Variants in COP1 observed in about 807,000 individuals in gnomAD.
COP1 encodes E3 ubiquitin-protein ligase COP1.
COP1 carries 24 observed loss-of-function variants against 101.3 expected under a neutral mutation model. The observed-to-expected ratio is 0.24, with a 90% CI of 0.17 to 0.33. The LOEUF (loss-of-function observed/expected upper bound fraction) is 0.33, where lower values mean the gene tolerates loss of function less well. Among genes scored for constraint, COP1 ranks in the 10% least tolerant of loss-of-function variants. The probability of loss-of-function intolerance (pLI) is 1.00; values close to 1 mark genes in which losing one functional copy is unlikely to be tolerated. For missense variants in COP1, 663 were observed against 906.2 expected, an observed-to-expected ratio of 0.73 and a Z score of 3.45; for synonymous variants, 347 against 341.9, an observed-to-expected ratio of 1.01 and a Z score of -0.17.
intron 9 of COP1, among the ~76,000 whole-genome samples, chr1:176,103,985 A>G (rs1683880358): frequency 6.6e-6 from 1 of 152,214 alleles, no homozygotes; most frequent in Non-Finnish European, 1.5e-5. Context: ...AACAATGAAA[A>G]AGAGAAGCTA....
intron 2 of COP1, among the ~76,000 whole-genome samples, chr1:176,179,485 A>G (rs2101973046): frequency 6.6e-6 from 1 of 152,254 alleles, no homozygotes; most frequent in East Asian, 1.9e-4. Context: ...CTGTAATCTC[A>G]GCAATTTGCG....
chr1:176,184,671 A>G lies in COP1; in HGVS notation c.429T>C (p.Ile143=), dbSNP rs1397015303. The G allele has an allele frequency of 6.2e-7, 1 of 1,609,660 alleles. No individual in the cohort carries two copies. Among genetic ancestry groups the G allele is most frequent in the South Asian group, 1.1e-5 (1 of 90,120 alleles). The change falls in exon 2 of 20, where the codon ATT becomes ATC. Residue 143 remains isoleucine, a synonymous_variant. Transcript: ENST00000367669. ...DFVCPICFDM[I]EEAYMTKCGH... The stretch of plus-strand genomic sequence containing the variant: ...CACATTTTGTCATGTATGCTTCTTC[A>G]ATCATATCAAAGCAGATGGGGCTAA...
intron 15 of COP1, among the ~76,000 whole-genome samples, chr1:176,002,104 T>C: frequency 6.6e-6 from 1 of 152,064 alleles, no homozygotes; most frequent in East Asian, 1.9e-4. Context: ...TATTGAGCTT[T>C]TTGGATGTGT....
At chr1:176,199,148 T>C (rs1294583851) in intron 1 of COP1, among the ~76,000 whole-genome samples, 2 of 152,010 alleles carry the variant, frequency 1.3e-5, no homozygotes, top group African/African-American at 4.8e-5. Context: ...AAACCCCATC[T>C]CTACTAAAAA....
At chr1:175,962,809 A>C (rs1651538958) in intron 18 of COP1, among the ~76,000 whole-genome samples, 1 of 152,138 alleles carries the variant, frequency 6.6e-6, no homozygotes. Context: ...ATCTCTTAAC[A>C]AAACTCTTCA....
intron 15 of COP1, among the ~76,000 whole-genome samples, chr1:176,026,650 T>C (rs1667715942): frequency 6.6e-6 from 1 of 152,150 alleles, no homozygotes; most frequent in Non-Finnish European, 1.5e-5. Flanking sequence ...ATTATGTCAG[T>C]AGCCCAGTGA....
intron 15 of COP1, among the ~76,000 whole-genome samples, chr1:176,023,496 A>G (rs890687690): frequency 2.0e-5 from 3 of 152,230 alleles, no homozygotes; most frequent in African/African-American, 7.2e-5. Flanking sequence ...AGGCGGGTGG[A>G]TCACCTGAGG....
intron 1 of COP1, among the ~76,000 whole-genome samples, chr1:176,196,462 G>C (rs988567147): frequency 2.0e-5 from 3 of 151,772 alleles, no homozygotes; most frequent in African/African-American, 7.3e-5. Flanking sequence ...AAGAATAAGG[G>C]GTATATTATT....
chr1:176,017,317 G>A (rs923538892), intron 15 of COP1: 1 of 152,130 alleles, frequency 6.6e-6, no homozygotes, highest in African/African-American at 2.4e-5. Context: ...CAAAAATCCT[G>A]AATTTCTTTA....
At chr1:175,987,568 T>C (rs1363877934) in intron 17 of COP1, among the ~76,000 whole-genome samples, 1 of 152,186 alleles carries the variant, frequency 6.6e-6, no homozygotes, top group Non-Finnish European at 1.5e-5. Context: ...ACATAATTTA[T>C]TTCCATTTCT....
At chr1:176,100,619 T>C (rs1486087352) in intron 9 of COP1, among the ~76,000 whole-genome samples, 1 of 152,106 alleles carries the variant, frequency 6.6e-6, no homozygotes, top group Non-Finnish European at 1.5e-5. Context: ...TTCTGAGCAA[T>C]TATCCTGCCG....
intron 11 of COP1, among the ~76,000 whole-genome samples, chr1:176,063,111 C>T (rs1329144447): frequency 4.0e-5 from 5 of 126,066 alleles, no homozygotes; most frequent in Non-Finnish European, 6.3e-5. Context: ...GGACTGCGGA[C>T]TGCAGTGGCG....
Position 176,007,626 on chromosome 1 carries a change from G to C in COP1, c.1730-18147C>G, listed in dbSNP as rs187694919. Among the ~76,000 whole-genome samples the C allele has an allele frequency of 2.0e-5, 3 of 151,924 alleles. No homozygotes were observed. The East Asian group carries it at 5.8e-4, about 29-fold the overall frequency. On this transcript the variant is annotated intron_variant, in intron 15 of 19. Coordinates refer to ENST00000367669, the MANE Select transcript of COP1 (RefSeq NM_022457.7). ...CCGTGTGAGATGTCAGTGTGCCCCT[G>C]CTGGGGGGTGTCTCCCAGTTAGGCT...
At chr1:175,998,063 TAAAAAAAAAAAAAA>T (rs57110017) in intron 15 of COP1, among the ~76,000 whole-genome samples, 2 of 66,820 alleles carry the variant, frequency 3.0e-5, no homozygotes, top group East Asian at 4.9e-4. Context: ...AGAGTATAAT[TAAAAAAAAAAAAAA>T]AAAAAAAAAA....
chr1:176,028,818 A>C (rs527950237), intron 14 of COP1, among the ~76,000 whole-genome samples: 69 of 150,024 alleles, frequency 4.6e-4, no homozygotes, highest in African/African-American at 1.5e-3. Flanking sequence ...CAGTGGCACA[A>C]TCATGCCTCA....
chr1:175,963,240 T>C lies in COP1; in HGVS notation c.2134-16001A>G, dbSNP rs150678912. Among the ~76,000 whole-genome samples the C allele has an allele frequency of 2.6e-3, 399 of 152,192 alleles. 3 individuals are homozygous for C. Among genetic ancestry groups the C allele is most frequent in the African/African-American group, 9.2e-3 (381 of 41,542 alleles). ...CATTTAATGCCTACAGAAGAAGGTCTAAACTTTTTTTTTTTCTCTCAGTAT... is the reference window on the plus strand; with the variant it reads ...CATTTAATGCCTACAGAAGAAGGTCCAAACTTTTTTTTTTTCTCTCAGTAT... On this transcript the variant is annotated intron_variant, in intron 18 of 19. Coordinates refer to ENST00000367669, the MANE Select transcript of COP1 (RefSeq NM_022457.7).
At chr1:176,173,613 G>GGGTA (rs1002574220) in intron 3 of COP1, among the ~76,000 whole-genome samples, 110 of 151,096 alleles carry the variant, frequency 7.3e-4, no homozygotes, top group African/African-American at 2.6e-3. Context: ...GCACTCCAGC[G>GGGTA]GGTAACAGAG....
In COP1 at chr1:175,957,744, C is replaced by A. The variant is rs185125693; in HGVS notation, c.2134-10505G>T. 1.1e-4 allele frequency among the ~76,000 whole-genome samples: 17 copies of A among 152,156 alleles called. No individual in the cohort carries two copies. In the East Asian group the frequency reaches 3.1e-3, roughly 28 times the overall value. On this transcript the variant is annotated intron_variant, in intron 18 of 19. Transcript: ENST00000367669. ...AACACTTATTTATGAATGTTTACAG[C>A]GGCTTTATTAAAAATAGTTCAAAAC...
intron 7 of COP1, among the ~76,000 whole-genome samples, chr1:176,136,247 T>A (rs1180776081): frequency 1.3e-5 from 2 of 152,046 alleles, no homozygotes; most frequent in Non-Finnish European, 2.9e-5. Context: ...ATTTTTTTTG[T>A]CAGTCTAATC....
Sources: allele counts gnomAD v4.1 joint callset (sites outside exome capture counted in the v4.1 genomes callset), GRCh38; gene constraint gnomAD v4.1.1; transcripts MANE v1.5; gene names NCBI Gene and HGNC (gene_info 2026-07-23, HGNC 2026-07-21).